The following MACROD2 variants were observed in gnomAD, a reference collection of about 807,000 sequenced individuals.
MACROD2 encodes mono-ADP ribosylhydrolase 2.
In MACROD2, 36 loss-of-function variants were observed where a neutral mutation model predicts 70.4. The ratio of observed to expected loss-of-function variants is 0.51; its 90% CI spans 0.39 to 0.68. The LOEUF is 0.68. Ranked by LOEUF, MACROD2 falls within the 30% of genes least tolerant of loss-of-function variation. The pLI is 0.00. For missense variants in MACROD2, 496 were observed against 538.4 expected (o/e 0.92, Z 0.78); for synonymous variants, 172 against 178.8 (o/e 0.96, Z 0.30).
At chr20:14,131,302 G>T (rs1288427377) in intron 3 of MACROD2, among the ~76,000 whole-genome samples, 3 of 151,892 alleles carry the variant, frequency 2.0e-5, no homozygotes, top group Non-Finnish European at 4.4e-5. Flanking sequence ...TGTTACAAAT[G>T]AAATTTTTTT....
In MACROD2 at chr20:15,148,165, C is replaced by T. The variant is rs192047503; in HGVS notation, c.419-81775C>T. 3.2e-4 allele frequency among the ~76,000 whole-genome samples: 48 copies of T among 151,692 alleles called. 1 individual carries two copies. The highest frequency in any genetic ancestry group is 3.4e-3 in the Middle Eastern group (1 of 292). ...TGGGCGATGTTTCTCAGGGCTGCTT[C>T]GAGCGGGATTAGGGGCGGTGTGGGA... On this transcript the variant is annotated intron_variant, in intron 5 of 17. Transcript: ENST00000684519.
intron 3 of MACROD2, among the ~76,000 whole-genome samples, chr20:14,398,366 C>G (rs1388275023): frequency 1.3e-5 from 2 of 149,432 alleles, no homozygotes; most frequent in African/African-American, 2.5e-5. Flanking sequence ...ATCCCACCAA[C>G]AGTGTGTAGG....
At chr20:15,500,839 C>T (rs1452908657) in intron 8 of MACROD2, among the ~76,000 whole-genome samples, 2 of 152,150 alleles carry the variant, frequency 1.3e-5, no homozygotes, top group African/African-American at 2.4e-5. Flanking sequence ...GGTGCTTACC[C>T]TTTATTTTCT....
intron 3 of MACROD2, among the ~76,000 whole-genome samples, chr20:14,295,200 C>T (rs2082416975): frequency 6.6e-6 from 1 of 151,880 alleles, no homozygotes; most frequent in Non-Finnish European, 1.5e-5. Context: ...AGCTTGGAAA[C>T]ACTCTTTATT....
chr20:15,949,563 AAC>A (rs1189153572), intron 12 of MACROD2, among the ~76,000 whole-genome samples: 1 of 152,146 alleles, frequency 6.6e-6, no homozygotes, highest in African/African-American at 2.4e-5. Flanking sequence ...AGCAAGCAGA[AAC>A]ACCTAAGAAA....
intron 4 of MACROD2, among the ~76,000 whole-genome samples, chr20:14,549,185 A>C (rs1378931137): frequency 1.3e-5 from 2 of 152,166 alleles, no homozygotes; most frequent in Non-Finnish European, 2.9e-5. Flanking sequence ...AACCACACTC[A>C]ATTTATTGGT....
At chr20:15,703,584 AT>A (rs1174566277) in intron 8 of MACROD2, among the ~76,000 whole-genome samples, 7 of 152,236 alleles carry the variant, frequency 4.6e-5, no homozygotes, top group Admixed American at 4.6e-4. Flanking sequence ...TTATCTCAAA[AT>A]TGTGTTCTTA....
At chr20:15,904,612 G>T (rs981926362) in intron 10 of MACROD2, among the ~76,000 whole-genome samples, 1 of 151,848 alleles carries the variant, frequency 6.6e-6, no homozygotes, top group Non-Finnish European at 1.5e-5. Flanking sequence ...AAAGAAAGAG[G>T]CCAGGCGCGG....
chr20:14,475,302 T>C (rs912478543), intron 3 of MACROD2, among the ~76,000 whole-genome samples: 3 of 149,824 alleles, frequency 2.0e-5, no homozygotes, highest in Non-Finnish European at 4.4e-5. Flanking sequence ...AATTTACATC[T>C]TTTTATGTTG....
chr20:15,775,029 A>T (rs74418039), intron 8 of MACROD2, among the ~76,000 whole-genome samples: 1 of 152,144 alleles, frequency 6.6e-6, no homozygotes, highest in East Asian at 1.9e-4. Flanking sequence ...CAGGGTGGCC[A>T]TTCTGACGGG....
At chr20:15,822,894 A>G (rs1446263360) in intron 8 of MACROD2, among the ~76,000 whole-genome samples, 1 of 152,170 alleles carries the variant, frequency 6.6e-6, no homozygotes, top group Non-Finnish European at 1.5e-5. Context: ...GCTGAATTAT[A>G]CTAATTTCCC....
intron 3 of MACROD2, among the ~76,000 whole-genome samples, chr20:14,449,509 T>C (rs1479336073): frequency 6.6e-6 from 1 of 152,102 alleles, no homozygotes; most frequent in East Asian, 1.9e-4. Context: ...AGTCTGGTTG[T>C]GAAATACATG....
At chr20:15,093,293 C>T (rs528058726) in intron 5 of MACROD2, among the ~76,000 whole-genome samples, 2 of 152,250 alleles carry the variant, frequency 1.3e-5, no homozygotes, top group South Asian at 2.1e-4. Flanking sequence ...GAGGCTTCCA[C>T]GCAGAATGGA....
intron 3 of MACROD2, among the ~76,000 whole-genome samples, chr20:14,377,230 T>A (rs1276843029): frequency 6.6e-6 from 1 of 152,220 alleles, no homozygotes; most frequent in Non-Finnish European, 1.5e-5. Flanking sequence ...TAGCTTGTAC[T>A]CTTATTGCTA....
At position 15,623,709 on chromosome 20, in the gene MACROD2, T is replaced by TATCTATCTATCTATCC. The variant is rs1390472216; in HGVS notation, c.645+123873_645+123874insTATCCATCTATCTATC. 2.0e-3 allele frequency among the ~76,000 whole-genome samples: 304 copies of TATCTATCTATCTATCC among 152,086 alleles called. 1 individual carries two copies. The highest frequency in any genetic ancestry group is 7.1e-3 in the African/African-American group (295 of 41,454). On this transcript the variant is annotated intron_variant, in intron 8 of 17. Transcript: ENST00000684519. ...CTATCTATCTATCTATCTATCTATC[T>TATCTATCTATCTATCC]ATCTATCTATCGATGTGTCTATGTA...
In MACROD2 at chr20:15,479,897, T is replaced by G. The variant is rs148538926; in HGVS notation, c.572-19877T>G. Among the ~76,000 whole-genome samples, 1,047 of 152,318 alleles carry G rather than the reference T, an allele frequency of 6.9e-3. 12 individuals are homozygous for G. Among genetic ancestry groups the G allele is most frequent in the African/African-American group, 0.024 (1,001 of 41,568 alleles). The stretch of plus-strand genomic sequence containing the variant: ...AATGTATGTATTATGTATGTAAATA[T>G]AAAAACACCTATATGCATGAATATG... On this transcript the variant is annotated intron_variant, in intron 7 of 17. Transcript: ENST00000684519.
chr20:15,641,059 G>A (rs1196818637), intron 8 of MACROD2, among the ~76,000 whole-genome samples: 1 of 152,220 alleles, frequency 6.6e-6, no homozygotes, highest in East Asian at 1.9e-4. Flanking sequence ...TTACAAAGAA[G>A]CAATCTAGCC....
intron 5 of MACROD2, among the ~76,000 whole-genome samples, chr20:15,103,885 G>T (rs2075891405): frequency 6.6e-6 from 1 of 152,108 alleles, no homozygotes; most frequent in Non-Finnish European, 1.5e-5. Context: ...CAGGAATGAG[G>T]TTGTTGTGTC....
chr20:15,122,237 T>G (rs1490816450), intron 5 of MACROD2, among the ~76,000 whole-genome samples: 1 of 152,182 alleles, frequency 6.6e-6, no homozygotes, highest in East Asian at 1.9e-4. Context: ...TCACGGACAT[T>G]AGGCTCTGTA....
Sources: gnomAD v4.1 joint callset for allele counts (sites outside exome capture counted in the v4.1 genomes callset) on GRCh38, gnomAD v4.1.1 for gene constraint, MANE v1.5 for transcripts, NCBI Gene and HGNC (gene_info 2026-07-23, HGNC 2026-07-21) for gene names.